CLTB: variants seen among roughly 807,000 people sequenced by gnomAD.
CLTB encodes the protein clathrin, light chain (Lcb).
A neutral mutation model predicts 30.5 loss-of-function variants in CLTB; 10 were observed. The observed-to-expected ratio is 0.33, with a 90% CI of 0.20 to 0.56. The LOEUF (loss-of-function observed/expected upper bound fraction) is 0.56, where lower values mean the gene tolerates loss of function less well. Ranked by LOEUF, CLTB falls within the 20% of genes least tolerant of loss-of-function variation. CLTB has a pLI of 0.91. For synonymous variants in CLTB, 102 were observed against 120.3 expected (o/e 0.85, Z 1.00); for missense variants, 261 against 308.3 (o/e 0.85, Z 1.15).
At chr5:176,412,476 G>C (rs1757494582) in intron 1 of CLTB, among the ~76,000 whole-genome samples, 1 of 152,164 alleles carries the variant, frequency 6.6e-6, no homozygotes, top group African/African-American at 2.4e-5. Flanking sequence ...AAGTTGAATT[G>C]TTGTTTTGAG....
chr5:176,404,900 T>C (rs1256568400), intron 2 of CLTB, among the ~76,000 whole-genome samples: 1 of 152,206 alleles, frequency 6.6e-6, no homozygotes, highest in Non-Finnish European at 1.5e-5. Flanking sequence ...CCCCTCACAG[T>C]TGCATTCCCT....
At chr5:176,399,877 C>CAA (rs750656977) in intron 2 of CLTB, among the ~76,000 whole-genome samples, 1,987 of 108,848 alleles carry the variant, frequency 0.018, 27 homozygotes, top group Non-Finnish European at 0.025. Flanking sequence ...GACTTGGTCT[C>CAA]AAAAAAAAAA....
At position 176,396,574 on chromosome 5, in the gene CLTB, C is replaced by G. The variant is rs770261797; in HGVS notation, c.465-42G>C. ...AGGGAAGGGGTTAGGTGGGGGAAGG[C>G]AGATGGCAAGACAGACAGGCAGGCA... On this transcript the variant is annotated intron_variant, in intron 4 of 5. Coordinates refer to ENST00000310418, the MANE Select transcript of CLTB (RefSeq NM_007097.5). The G allele has an allele frequency of 2.7e-6, 4 of 1,485,300 alleles. No homozygotes were observed. In the East Asian group the frequency reaches 6.8e-5, roughly 25 times the overall value. The allele number at this position is 1,485,300 out of a possible 1,614,324, so 92.0% of individuals were successfully genotyped here.
intron 2 of CLTB, chr5:176,406,807 G>T: frequency 1.1e-6 from 1 of 941,230 alleles, no homozygotes; most frequent in Non-Finnish European, 1.4e-6. Context: ...CCCTGCAGGT[G>T]CAGGCCAGAC....
rs1300998129 is a variant in CLTB, at chr5:176,392,959, T to C, written c.519-14A>G. 6.2e-7 allele frequency: 1 copy of C among 1,613,866 alleles called. No individual in the cohort carries two copies. Among genetic ancestry groups the C allele is most frequent in the South Asian group, 1.1e-5 (1 of 91,086 alleles). On this transcript the variant is annotated splice_polypyrimidine_tract_variant and intron_variant, in intron 5 of 5. Coordinates refer to ENST00000310418, the MANE Select transcript of CLTB (RefSeq NM_007097.5). The surrounding 1 kb of genome is among the most constrained non-coding windows in gnomAD (Gnocchi z 5.2). The stretch of plus-strand genomic sequence containing the variant: ...TCCTCGGATGCCCTGCGGGTGGAGA[T>C]AGGACGGGCTTTTATAGCAGTCTGC...
At chr5:176,404,167 C>T (rs1234319120) in intron 2 of CLTB, among the ~76,000 whole-genome samples, 3 of 152,212 alleles carry the variant, frequency 2.0e-5, no homozygotes, top group Non-Finnish European at 4.4e-5. Flanking sequence ...GGGTGTGACT[C>T]GCCACATAGT....
At chr5:176,416,085 A>G in intron 1 of CLTB, 92 bp downstream of exon 1, 3 of 1,231,984 alleles carry the variant, frequency 2.4e-6, no homozygotes, top group African/African-American at 1.6e-5. Context: ...CGGGTGGCCT[A>G]GAGCAGGCTC....
At chr5:176,402,313 A>G (rs962847179) in intron 2 of CLTB, among the ~76,000 whole-genome samples, 4 of 152,206 alleles carry the variant, frequency 2.6e-5, no homozygotes, top group African/African-American at 9.7e-5. Flanking sequence ...ATAAATAAAT[A>G]AAAATAAAAT....
intron 2 of CLTB, among the ~76,000 whole-genome samples, chr5:176,407,201 C>T (rs1166850115): frequency 6.6e-6 from 1 of 152,156 alleles, no homozygotes; most frequent in South Asian, 2.1e-4. Context: ...GGGGTGCACT[C>T]CAGAAGTGGC....
rs112586839 is a variant in CLTB at position 176,403,486 on chromosome 5, G to A, written c.235-5439C>T. On this transcript the variant is annotated intron_variant, in intron 2 of 5. Transcript: ENST00000310418. ...TTTTTCTTTTTTGAGATGGAGTCTCGCTCTGTCACCCAGGCTGGAGTGCAG... is the reference window on the plus strand; with the variant it reads ...TTTTTCTTTTTTGAGATGGAGTCTCACTCTGTCACCCAGGCTGGAGTGCAG... 3.2e-4 allele frequency among the ~76,000 whole-genome samples: 48 copies of A among 151,380 alleles called. No homozygotes were observed. In the South Asian group the frequency reaches 7.9e-3, roughly 25 times the overall value.
At position 176,416,357 on chromosome 5, in the gene CLTB, C is replaced by T. The variant is rs1290126621; in HGVS notation, c.7G>A (p.Asp3Asn). Residue 3 changes from aspartate to asparagine, a missense_variant, in exon 1 of 6, where the codon GAT (aspartate) becomes AAT (asparagine). Physicochemically the swap from Asp to Asn is conservative, Grantham distance 23 (BLOSUM62 1). Transcript: ENST00000310418. Reference sequence around the variant, plus strand: ...GACGACGAGAAGAAGCCAAAGTCATCAGCCATTTTCCCCGCGCCTCCGCCG... The same window carrying T: ...GACGACGAGAAGAAGCCAAAGTCATTAGCCATTTTCCCCGCGCCTCCGCCG... MADDFGFFSSSES... is the reference protein window; with the variant it reads MANDFGFFSSSES... 6.3e-7 allele frequency: 1 copy of T among 1,591,396 alleles called. No homozygotes were observed. Among genetic ancestry groups the T allele is most frequent in the African/African-American group, 1.4e-5 (1 of 71,572 alleles).
intron 2 of CLTB, among the ~76,000 whole-genome samples, chr5:176,399,480 G>A (rs1581429739): frequency 1.3e-5 from 2 of 152,202 alleles, no homozygotes; most frequent in African/African-American, 4.8e-5. Context: ...GGTAGCTCAT[G>A]CCTATAATCC....
intron 2 of CLTB, among the ~76,000 whole-genome samples, chr5:176,400,090 C>T (rs181520519): frequency 6.6e-6 from 1 of 150,848 alleles, no homozygotes; most frequent in African/African-American, 2.4e-5. Context: ...ACTCGGGAGG[C>T]TGAGGCACAA....
intron 5 of CLTB, among the ~76,000 whole-genome samples, chr5:176,395,162 C>T (rs1038955585): frequency 6.6e-6 from 1 of 151,760 alleles, no homozygotes; most frequent in Non-Finnish European, 1.5e-5. Context: ...GGCCTTTTCT[C>T]TCTGGATGCC....
downstream of CLTB, chr5:176,392,472 A>G (rs1581418356): frequency 9.6e-6 from 3 of 310,904 alleles, no homozygotes; most frequent in East Asian, 1.6e-4. The surrounding 1 kb of genome is among the most constrained non-coding windows in gnomAD (Gnocchi z 5.2). Flanking sequence ...CAGAGAAGTG[A>G]GAATGATAAT....
intron 1 of CLTB, among the ~76,000 whole-genome samples, chr5:176,415,253 A>C (rs924644976): frequency 2.0e-5 from 3 of 152,226 alleles, no homozygotes; most frequent in African/African-American, 7.2e-5. Context: ...TAAGTCGACA[A>C]CTACAAAACC....
intron 2 of CLTB, chr5:176,406,549 G>C: frequency 7.8e-7 from 1 of 1,277,732 alleles, no homozygotes; most frequent in Non-Finnish European, 1.0e-6. Flanking sequence ...TAGGGGAAAG[G>C]AGAGAGGATC....
At chr5:176,404,995 T>C (rs1188409309) in intron 2 of CLTB, among the ~76,000 whole-genome samples, 1 of 152,144 alleles carries the variant, frequency 6.6e-6, no homozygotes, top group Non-Finnish European at 1.5e-5. Flanking sequence ...CTGTTAAACC[T>C]CCTGTATAAA....
intron 1 of CLTB, among the ~76,000 whole-genome samples, chr5:176,412,683 T>A (rs1757506632): frequency 1.3e-5 from 2 of 152,152 alleles, no homozygotes; most frequent in Non-Finnish European, 2.9e-5. Flanking sequence ...CCGGGTGACA[T>A]AAATCATAAT....
Sources: allele counts gnomAD v4.1 joint callset (sites outside exome capture counted in the v4.1 genomes callset), GRCh38; gene constraint gnomAD v4.1.1; non-coding constraint Gnocchi (gnomAD v3.1); transcripts MANE v1.5; gene names NCBI Gene and HGNC (gene_info 2026-07-23, HGNC 2026-07-21).